Variants in SPIDR observed in about 807,000 individuals in gnomAD.
SPIDR encodes the protein scaffold protein involved in DNA repair.
SPIDR carries 93 observed loss-of-function variants against 104.6 expected under a neutral mutation model. The ratio of observed to expected loss-of-function variants is 0.89; its 90% CI spans 0.75 to 1.06. The LOEUF (loss-of-function observed/expected upper bound fraction) is 1.06. SPIDR is among the 50% of genes least tolerant of loss of function. The pLI is 0.00. For synonymous variants in SPIDR, 431 were observed against 416.9 expected, an observed-to-expected ratio of 1.03 and a Z score of -0.41; for missense variants, 1,154 against 1,111.2, an observed-to-expected ratio of 1.04 and a Z score of -0.55.
At position 47,409,744 on chromosome 8, in the gene SPIDR, C is replaced by T. The variant is rs189147221; in HGVS notation, c.877+1783C>T. On this transcript the variant is annotated intron_variant, in intron 7 of 19. Coordinates refer to ENST00000297423, the MANE Select transcript of SPIDR (RefSeq NM_001080394.4). ...CATTTATTCCTTTTAAAATCCTTTC[C>T]GAGGCCAGGTGTGGTGGCTCATGCC... is the stretch of plus-strand genomic sequence containing the variant. Among the ~76,000 whole-genome samples the T allele has an allele frequency of 3.3e-5, 5 of 152,212 alleles. No homozygotes were observed. The East Asian group carries it at 5.8e-4, about 18-fold the overall frequency.
chr8:47,575,768 T>A (rs562734985), intron 8 of SPIDR, among the ~76,000 whole-genome samples: 41 of 151,822 alleles, frequency 2.7e-4, no homozygotes, highest in African/African-American at 9.4e-4. Context: ...GAGACCAGCC[T>A]GACCAACATG....
Position 47,445,465 on chromosome 8 carries a change from C to T in SPIDR, c.1097+4923C>T, listed in dbSNP as rs544273263. On this transcript the variant is annotated intron_variant, in intron 8 of 19. Transcript: ENST00000297423. ...CATCTTACTTTCTCTCCTCAGACCT[C>T]CCTATTCCATGAGACACAACAGTAT... is the stretch of plus-strand genomic sequence containing the variant. Among the ~76,000 whole-genome samples the T allele has an allele frequency of 2.3e-4, 35 of 152,300 alleles. No homozygotes were observed. The South Asian group carries it at 2.9e-3, about 13-fold the overall frequency.
chr8:47,372,840 C>G (rs1373689903), intron 5 of SPIDR, among the ~76,000 whole-genome samples: 2 of 151,930 alleles, frequency 1.3e-5, no homozygotes, highest in Non-Finnish European at 2.9e-5. Flanking sequence ...AACATTGTAC[C>G]TGATAGGTAT....
At chr8:47,597,712 C>T (rs1222697053) in intron 9 of SPIDR, among the ~76,000 whole-genome samples, 1 of 152,130 alleles carries the variant, frequency 6.6e-6, no homozygotes, top group Non-Finnish European at 1.5e-5. Context: ...ACTGCATAAG[C>T]TTGAGTTTAT....
At chr8:47,621,487 G>C (rs912680345) in intron 10 of SPIDR, among the ~76,000 whole-genome samples, 1 of 152,062 alleles carries the variant, frequency 6.6e-6, no homozygotes, top group African/African-American at 2.4e-5. Context: ...CTCTGTTCTC[G>C]CTTCTGTCTT....
At chr8:47,566,465 G>A (rs1365949980) in intron 8 of SPIDR, among the ~76,000 whole-genome samples, 1 of 152,048 alleles carries the variant, frequency 6.6e-6, no homozygotes, top group East Asian at 1.9e-4. Context: ...GGACTAGAAA[G>A]GACTTATAAA....
At chr8:47,468,681 A>G (rs1554719081) in intron 8 of SPIDR, among the ~76,000 whole-genome samples, 1 of 152,152 alleles carries the variant, frequency 6.6e-6, no homozygotes, top group Non-Finnish European at 1.5e-5. Context: ...CCCTTTGCTT[A>G]TATAAAAATA....
chr8:47,411,570 G>A (rs1160872839), intron 7 of SPIDR, among the ~76,000 whole-genome samples: 3 of 152,298 alleles, frequency 2.0e-5, no homozygotes, highest in African/African-American at 7.2e-5. Context: ...TGTCAGATGA[G>A]TAGATTGCGA....
intron 7 of SPIDR, among the ~76,000 whole-genome samples, chr8:47,436,501 C>T (rs1464264556): frequency 6.6e-6 from 1 of 152,136 alleles, no homozygotes; most frequent in African/African-American, 2.4e-5. Context: ...GCAGGAAGAT[C>T]ACTTGAGCCC....
At chr8:47,685,517 A>ATTTTTTTTTTTTTTTT (rs370526185) in intron 11 of SPIDR, among the ~76,000 whole-genome samples, 10 of 130,092 alleles carry the variant, frequency 7.7e-5, no homozygotes, top group South Asian at 2.3e-4. Context: ...TTATTTATTT[A>ATTTTTTTTTTTTTTTT]TTTTTTTGAG....
chr8:47,401,826 T>G (rs1479445764), intron 6 of SPIDR, among the ~76,000 whole-genome samples: 2 of 152,160 alleles, frequency 1.3e-5, no homozygotes, highest in Non-Finnish European at 2.9e-5. Flanking sequence ...GCACCCAGAT[T>G]CATAAAGCAA....
rs572242420 is a variant in SPIDR at position 47,432,377 on chromosome 8, G to A, written c.878-7946G>A. 1.2e-4 allele frequency among the ~76,000 whole-genome samples: 18 copies of A among 152,298 alleles called. No individual in the cohort carries two copies. The East Asian group carries it at 3.5e-3, about 29-fold the overall frequency. ...TTTGTATTCTCTGGGTACACGCAAA[G>A]TGCAGTTGAGATGAAGGGGAGATGG... On this transcript the variant is annotated intron_variant, in intron 7 of 19. Coordinates refer to ENST00000297423, the MANE Select transcript of SPIDR (RefSeq NM_001080394.4).
chr8:47,545,044 A>G (rs1446706709), intron 8 of SPIDR, among the ~76,000 whole-genome samples: 1 of 148,852 alleles, frequency 6.7e-6, no homozygotes, highest in Admixed American at 6.7e-5. Flanking sequence ...ATTTTGTTAG[A>G]TTTACACCAA....
chr8:47,509,934 G>A lies in SPIDR; in HGVS notation c.1097+69392G>A, dbSNP rs372576245. Among the ~76,000 whole-genome samples the A allele has an allele frequency of 3.0e-4, 45 of 151,210 alleles. 1 individual carries two copies. Among genetic ancestry groups the A allele is most frequent in the African/African-American group, 1.0e-3 (43 of 41,246 alleles). ...CACACACATGCACACACACACACAC[G>A]ACACACACTTAACACACATCTGTAC... On this transcript the variant is annotated intron_variant, in intron 8 of 19. Coordinates refer to ENST00000297423, the MANE Select transcript of SPIDR (RefSeq NM_001080394.4).
At chr8:47,645,203 A>G (rs1433145230) in intron 10 of SPIDR, among the ~76,000 whole-genome samples, 1 of 152,238 alleles carries the variant, frequency 6.6e-6, no homozygotes, top group Non-Finnish European at 1.5e-5. Context: ...AAGTTAGGCT[A>G]TTTCAAAAAT....
chr8:47,475,043 G>GATGA (rs1443773861), intron 8 of SPIDR, among the ~76,000 whole-genome samples: 4 of 152,336 alleles, frequency 2.6e-5, no homozygotes, highest in Admixed American at 6.5e-5. Context: ...GAAGCAGCTT[G>GATGA]ATGTTCCTGG....
intron 10 of SPIDR, 48 bp from the exon 11 acceptor site, chr8:47,673,753 T>C (rs1159074825): frequency 6.2e-7 from 1 of 1,613,490 alleles, no homozygotes; most frequent in South Asian, 1.1e-5. Flanking sequence ...GATCTCTGTA[T>C]TAATCCAAAC....
intron 8 of SPIDR, among the ~76,000 whole-genome samples, chr8:47,464,455 G>A (rs1361949187): frequency 6.6e-6 from 1 of 152,166 alleles, no homozygotes; most frequent in Non-Finnish European, 1.5e-5. Context: ...GGAAGGTACT[G>A]ACAGTGGATG....
intron 11 of SPIDR, among the ~76,000 whole-genome samples, chr8:47,693,539 T>C (rs1653689328): frequency 6.6e-6 from 1 of 152,216 alleles, no homozygotes; most frequent in African/African-American, 2.4e-5. Flanking sequence ...GCCAGATCCA[T>C]GGCCTCGTGC....
Sources: allele counts gnomAD v4.1 joint callset (sites outside exome capture counted in the v4.1 genomes callset), GRCh38; gene constraint gnomAD v4.1.1; transcripts MANE v1.5; gene names NCBI Gene and HGNC (gene_info 2026-07-23, HGNC 2026-07-21).